Variants in MYO1E observed in about 807,000 individuals in gnomAD.
MYO1E encodes the protein myosin IE.
A neutral mutation model predicts 151.1 loss-of-function variants in MYO1E; 68 were observed. The observed-to-expected ratio is 0.45, with a 90% CI of 0.37 to 0.55. MYO1E has a LOEUF of 0.55. MYO1E is among the 20% of genes least tolerant of loss of function. The pLI, the probability that MYO1E is intolerant of heterozygous loss-of-function variation, is 0.00. For missense variants in MYO1E, 1,363 were observed against 1,389.3 expected (o/e 0.98, Z 0.30); for synonymous variants, 601 against 501.7 (o/e 1.20, Z -2.64).
chr15:59,280,213 G>T (rs940137373), intron 1 of MYO1E, among the ~76,000 whole-genome samples: 6 of 152,088 alleles, frequency 3.9e-5, no homozygotes, highest in Admixed American at 3.9e-4. Flanking sequence ...AATCTCAAAA[G>T]GATCATTTTC....
chr15:59,178,515 T>A lies in MYO1E; in HGVS notation c.1927A>T (p.Thr643Ser), dbSNP rs776231669. 6.2e-7 allele frequency: 1 copy of A among 1,614,104 alleles called. No homozygotes were observed. The change falls in exon 19 of 28, where the codon ACC becomes TCC. Residue 643 changes from threonine (T) to serine (S), a missense_variant. Coordinates refer to ENST00000288235, the MANE Select transcript of MYO1E (RefSeq NM_004998.4). ...TCCTCTCCCTGCCAAGAAGGCCAGG[T>A]GGCTTTGGTCAGAATGGCATACCTG... ...LQRYAILTKA[T>S]WPSWQGEEKQ...
chr15:59,143,482 C>T (rs1319282403), intron 26 of MYO1E, among the ~76,000 whole-genome samples: 1 of 152,204 alleles, frequency 6.6e-6, no homozygotes, highest in African/African-American at 2.4e-5. Context: ...GCGGCATATT[C>T]CCAAAGCGAG....
chr15:59,172,966 T>C (rs2079604281), intron 21 of MYO1E, among the ~76,000 whole-genome samples: 1 of 152,218 alleles, frequency 6.6e-6, no homozygotes. Flanking sequence ...TTTCGTTAAA[T>C]TTTTTTCTTG....
Position 59,233,350 on chromosome 15 carries a change from GAA to G in MYO1E, c.421-1561_421-1560del. ...TGTGGCGGGCATATTAGGGAAAAGA[GAA>G]AGAGCAAACTGAGGTAAAAGAGTAG... On this transcript the variant is annotated intron_variant, in intron 5 of 27. Coordinates refer to ENST00000288235, the MANE Select transcript of MYO1E (RefSeq NM_004998.4). Among the ~76,000 whole-genome samples the G allele has an allele frequency of 3.3e-5, 5 of 152,264 alleles. 2 individuals are homozygous for G. The South Asian group carries it at 1.0e-3, about 32-fold the overall frequency.
chr15:59,266,911 T>C (rs1191121017), intron 2 of MYO1E: 7 of 152,028 alleles, frequency 4.6e-5, no homozygotes, highest in African/African-American at 1.4e-4. Context: ...TCCGCCCGCC[T>C]TGGCCTCCCA....
At chr15:59,313,444 T>G (rs116646882) in intron 1 of MYO1E, among the ~76,000 whole-genome samples, 1,580 of 152,270 alleles carry the variant, frequency 0.01, 25 homozygotes, top group African/African-American at 0.037. Context: ...GTGACTTAAT[T>G]GTGGTTATCT....
At chr15:59,309,621 G>A (rs749334932) in intron 1 of MYO1E, among the ~76,000 whole-genome samples, 10 of 152,290 alleles carry the variant, frequency 6.6e-5, no homozygotes, top group Admixed American at 4.6e-4. Flanking sequence ...AGTCCACTCA[G>A]TATGGCAGTA....
At position 59,167,538 on chromosome 15, in the gene MYO1E, G is replaced by A. The variant is rs151142482; in HGVS notation, c.2481-4235C>T. 2.1e-3 allele frequency among the ~76,000 whole-genome samples: 316 copies of A among 152,296 alleles called. 1 individual carries two copies. The highest frequency in any genetic ancestry group is 6.4e-3 in the South Asian group (31 of 4,832). On this transcript the variant is annotated intron_variant, in intron 22 of 27. Transcript: ENST00000288235. The stretch of plus-strand genomic sequence containing the variant: ...TCTGGGAGGATCCTTCAAAAACCCA[G>A]GCATGGCCTTCTGCCAGCAGCCACC...
chr15:59,164,872 G>T (rs2079555662), intron 22 of MYO1E, among the ~76,000 whole-genome samples: 1 of 152,204 alleles, frequency 6.6e-6, no homozygotes, highest in Admixed American at 6.5e-5. Flanking sequence ...ATTCACCAAT[G>T]TGCTAGTATT....
At chr15:59,296,710 C>T (rs1346708836) in intron 1 of MYO1E, among the ~76,000 whole-genome samples, 1 of 152,174 alleles carries the variant, frequency 6.6e-6, no homozygotes, top group Non-Finnish European at 1.5e-5. Context: ...CAGAGTAAAG[C>T]AGACAACTGG....
At chr15:59,162,628 A>G (rs1391022515) in intron 23 of MYO1E, among the ~76,000 whole-genome samples, 1 of 150,366 alleles carries the variant, frequency 6.7e-6, no homozygotes, top group Non-Finnish European at 1.5e-5. Context: ...CCTGGGCAAC[A>G]GAACGAGACG....
At chr15:59,206,952 T>C (rs2079839023) in intron 14 of MYO1E, 1 of 1,613,024 alleles carries the variant, frequency 6.2e-7, no homozygotes, top group Admixed American at 1.7e-5. Flanking sequence ...TGAGTTGGAC[T>C]GTGCCTGTTG....
At chr15:59,279,291 G>C (rs970013910) in intron 1 of MYO1E, among the ~76,000 whole-genome samples, 2 of 152,118 alleles carry the variant, frequency 1.3e-5, no homozygotes, top group African/African-American at 4.8e-5. Context: ...AACCTTCCTA[G>C]AAGAGCTGGC....
intron 1 of MYO1E, among the ~76,000 whole-genome samples, chr15:59,325,723 C>A (rs2080659478): frequency 6.6e-6 from 1 of 152,186 alleles, no homozygotes; most frequent in East Asian, 1.9e-4. Context: ...CATCCACTGG[C>A]CCAGGCTGGG....
At position 59,202,371 on chromosome 15, in the gene MYO1E, C is replaced by A. The variant is rs1160407172; in HGVS notation, c.1653G>T (p.Gln551His). The change falls in exon 16 of 28, where the codon CAG becomes CAT. Residue 551 changes from glutamine to histidine, a missense_variant. By Grantham distance (24) the Gln-to-His change is conservative (BLOSUM62 0). Coordinates refer to ENST00000288235, the MANE Select transcript of MYO1E (RefSeq NM_004998.4). ...FIKSLFPENLQADKKGRPTTA... is the reference protein window; with the variant it reads ...FIKSLFPENLHADKKGRPTTA... Reference sequence around the variant, plus strand: ...TAGTTGGGCGCCCTTTCTTGTCAGCCTGCAGATTTTCCGGAAATAAAGACT... The same window carrying A: ...TAGTTGGGCGCCCTTTCTTGTCAGCATGCAGATTTTCCGGAAATAAAGACT... The A allele has an allele frequency of 1.2e-6, 2 of 1,613,978 alleles. No individual in the cohort carries two copies. Among genetic ancestry groups the A allele is most frequent in the Non-Finnish European group, 1.7e-6 (2 of 1,179,998 alleles).
chr15:59,370,076 G>A (rs2080936276), intron 1 of MYO1E, among the ~76,000 whole-genome samples: 1 of 152,158 alleles, frequency 6.6e-6, no homozygotes, highest in Admixed American at 6.5e-5. Flanking sequence ...CTCCCAAAGT[G>A]CTGGGATTAC....
chr15:59,188,691 G>A (rs906568520), intron 17 of MYO1E, among the ~76,000 whole-genome samples: 5 of 152,086 alleles, frequency 3.3e-5, no homozygotes, highest in East Asian at 1.9e-4. Context: ...GTGAGACTCC[G>A]TCTCAGAAAT....
chr15:59,213,136 T>TTTATTTATTA (rs1343330832), intron 12 of MYO1E, among the ~76,000 whole-genome samples: 91 of 139,362 alleles, frequency 6.5e-4, no homozygotes, highest in Middle Eastern at 7.4e-3. Context: ...GAACTATTTA[T>TTTATTTATTA]TTATTATTAT....
At chr15:59,351,368 A>C (rs571334935) in intron 1 of MYO1E, among the ~76,000 whole-genome samples, 39 of 152,330 alleles carry the variant, frequency 2.6e-4, no homozygotes, top group South Asian at 1.0e-3. Flanking sequence ...ACTGTGTACA[A>C]GCACTGTGCT....
Sources: allele counts gnomAD v4.1 joint callset (sites outside exome capture counted in the v4.1 genomes callset), GRCh38; gene constraint gnomAD v4.1.1; transcripts MANE v1.5; gene names NCBI Gene and HGNC (gene_info 2026-07-23, HGNC 2026-07-21).